The following CHRNB3 variants were observed in gnomAD, a reference collection of about 807,000 sequenced individuals.
CHRNB3 encodes neuronal acetylcholine receptor subunit beta-3.
Under a neutral mutation model 40.6 loss-of-function variants are expected in CHRNB3, and 37 were observed. The observed-to-expected ratio is 0.91, with a 90% CI of 0.70 to 1.20. The LOEUF (loss-of-function observed/expected upper bound fraction) is 1.20, where lower values mean the gene tolerates loss of function less well. Among genes scored for constraint, CHRNB3 ranks in the 50% most tolerant of loss-of-function variants. The pLI is 0.00. For synonymous variants in CHRNB3, 207 were observed against 207.1 expected (o/e 1.00, Z 0.00); for missense variants, 505 against 551.2 (o/e 0.92, Z 0.84).
rs569729757 is a variant in CHRNB3, at chr8:42,735,948, C to T, written c.1243-536C>T. On this transcript the variant is annotated intron_variant, in intron 5 of 5. Transcript: ENST00000289957. ...AGATATACTGGCTTCCTAAGATATG[C>T]TCTGTCTCCTGGGTTCAAGCAATTC... 3.9e-5 allele frequency among the ~76,000 whole-genome samples: 6 copies of T among 152,314 alleles called. No individual in the cohort carries two copies. The South Asian group carries it at 1.2e-3, about 32-fold the overall frequency.
chr8:42,701,378 T>C lies in CHRNB3; in HGVS notation c.52+3780T>C, dbSNP rs567606989. Among the ~76,000 whole-genome samples, 373 of 151,890 alleles carry C rather than the reference T, an allele frequency of 2.5e-3. 1 individual carries two copies. The highest frequency in any genetic ancestry group is 2.8e-3 in the Non-Finnish European group (190 of 67,966). ...CAACATAGTGAGAGACATACGTCTC[T>C]ACAAAAAATTTAAAAATTAGCCAGG... On this transcript the variant is annotated intron_variant, in intron 1 of 5. Coordinates refer to ENST00000289957, the MANE Select transcript of CHRNB3 (RefSeq NM_000749.5).
In CHRNB3 at chr8:42,736,607, A is replaced by G; in HGVS notation, c.1366A>G (p.Ser456Gly). The G allele has an allele frequency of 6.2e-7, 1 of 1,614,190 alleles. No homozygotes were observed. Among genetic ancestry groups the G allele is most frequent in the Non-Finnish European group, 8.5e-7 (1 of 1,180,024 alleles). ...FTPALKMWLHSYH is the reference protein window; with the variant it reads ...FTPALKMWLHGYH ...CCCTGCTTTGAAGATGTGGCTACAT[A>G]GTTACCATTAGGAATTTAAAAGACA... is the stretch of plus-strand genomic sequence containing the variant. The change falls in exon 6 of 6, where the codon AGT becomes GGT. Residue 456 changes from serine (S) to glycine (G), a missense_variant. Ser to Gly is a moderately conservative substitution (Grantham distance 56, BLOSUM62 0). Coordinates refer to ENST00000289957, the MANE Select transcript of CHRNB3 (RefSeq NM_000749.5).
intron 3 of CHRNB3, among the ~76,000 whole-genome samples, chr8:42,720,230 C>A (rs1050046996): frequency 6.7e-6 from 1 of 148,522 alleles, no homozygotes; most frequent in Non-Finnish European, 1.5e-5. Flanking sequence ...ATTCTCCTGC[C>A]TCAGCCTCCT....
At chr8:42,710,931 C>T (rs1816004914) in intron 3 of CHRNB3, among the ~76,000 whole-genome samples, 1 of 152,194 alleles carries the variant, frequency 6.6e-6, no homozygotes, top group Admixed American at 6.5e-5. Context: ...AATTTCAGAA[C>T]AGAGTGAAGC....
At chr8:42,735,261 G>A (rs963904560) in intron 5 of CHRNB3, among the ~76,000 whole-genome samples, 1 of 151,406 alleles carries the variant, frequency 6.6e-6, no homozygotes. Context: ...ATACAGGCCG[G>A]GTGTGGTGGC....
chr8:42,715,713 C>T (rs1032891757), intron 3 of CHRNB3, among the ~76,000 whole-genome samples: 6 of 152,094 alleles, frequency 3.9e-5, no homozygotes, highest in African/African-American at 1.5e-4. Flanking sequence ...TTATAAAGCA[C>T]AAATCTAGTG....
At position 42,736,754 on chromosome 8, in the gene CHRNB3, G is replaced by T; in HGVS notation, c.*136G>T. 9.4e-7 allele frequency: 1 copy of T among 1,060,626 alleles called. No homozygotes were observed. Among genetic ancestry groups the T allele is most frequent in the Non-Finnish European group, 1.4e-6 (1 of 718,836 alleles). The allele number at this position is 1,060,626 out of a possible 1,614,324, so 65.7% of individuals were successfully genotyped here. ...TGTGGAAATGGAACATCTCCTCATGGGAGAAACTCTGGTAAATGTGCTCAT... is the reference window on the plus strand; with the variant it reads ...TGTGGAAATGGAACATCTCCTCATGTGAGAAACTCTGGTAAATGTGCTCAT... On this transcript the variant is annotated 3_prime_UTR_variant, in exon 6 of 6. Transcript: ENST00000289957.
intron 2 of CHRNB3, 58 bp downstream of exon 2, chr8:42,708,926 G>A (rs1217672988): frequency 4.2e-6 from 6 of 1,435,822 alleles, no homozygotes; most frequent in Non-Finnish European, 5.6e-6. Context: ...CTGTTTATGA[G>A]TCTAAAATAT....
At chr8:42,733,681 C>T (rs1027620293) in intron 5 of CHRNB3, among the ~76,000 whole-genome samples, 6 of 150,578 alleles carry the variant, frequency 4.0e-5, no homozygotes, top group Non-Finnish European at 8.9e-5. Context: ...CAACCTCCGC[C>T]TGCTGGGTTC....
At chr8:42,697,764 G>GT (rs1263761615) in intron 1 of CHRNB3, among the ~76,000 whole-genome samples, 166 bp downstream of exon 1, 54 of 151,872 alleles carry the variant, frequency 3.6e-4, no homozygotes, top group Non-Finnish European at 6.3e-4. Flanking sequence ...TGAGATGTGG[G>GT]GTTTTTTTTG....
chr8:42,717,592 A>G (rs1013145851), intron 3 of CHRNB3, among the ~76,000 whole-genome samples: 2 of 151,334 alleles, frequency 1.3e-5, no homozygotes, highest in Admixed American at 1.3e-4. Flanking sequence ...CCAAGTTTGG[A>G]CTTCTTACTC....
intron 3 of CHRNB3, among the ~76,000 whole-genome samples, chr8:42,714,368 G>C (rs1181406184): frequency 6.6e-6 from 1 of 151,990 alleles, no homozygotes; most frequent in Non-Finnish European, 1.5e-5. Context: ...CAGGCGTGGT[G>C]GTGGGCACCT....
rs74640595 is a variant in CHRNB3, at chr8:42,710,066, G to A, written c.205-324G>A. 2.3e-3 allele frequency among the ~76,000 whole-genome samples: 348 copies of A among 152,268 alleles called. 1 individual carries two copies. Among genetic ancestry groups the A allele is most frequent in the African/African-American group, 7.7e-3 (320 of 41,556 alleles). Reference sequence around the variant, plus strand: ...CCATTTGACTATTTATATGCCATTTGACTGTTTACATGCCATTTGACTATT... The same window carrying A: ...CCATTTGACTATTTATATGCCATTTAACTGTTTACATGCCATTTGACTATT... On this transcript the variant is annotated intron_variant, in intron 2 of 5. Coordinates refer to ENST00000289957, the MANE Select transcript of CHRNB3 (RefSeq NM_000749.5).
At position 42,730,508 on chromosome 8, in the gene CHRNB3, T is replaced by C; in HGVS notation, c.250-86T>C. 3.7e-6 allele frequency: 3 copies of C among 804,716 alleles called. No individual in the cohort carries two copies. The South Asian group carries it at 6.4e-5, about 17-fold the overall frequency. The allele number at this position is 804,716 out of a possible 1,614,324, so 49.8% of individuals were successfully genotyped here. A position where few individuals can be genotyped will look rare whatever the true frequency, so the allele number is the denominator to read the frequency against. ...TCCTTTTCTTAATAAAACAGTGGCT[T>C]GGTAAAGCTAACAGAAACTTGAAGA... On this transcript the variant is annotated intron_variant, in intron 3 of 5. Coordinates refer to ENST00000289957, the MANE Select transcript of CHRNB3 (RefSeq NM_000749.5).
At chr8:42,725,952 G>C (rs777990594) in intron 3 of CHRNB3, 4 of 1,078,334 alleles carry the variant, frequency 3.7e-6, no homozygotes, top group African/African-American at 1.5e-5. Context: ...CAATCCTTTC[G>C]ATGCGTACAA....
intron 3 of CHRNB3, among the ~76,000 whole-genome samples, chr8:42,712,588 T>A (rs1286141338): frequency 1.3e-5 from 2 of 152,236 alleles, no homozygotes; most frequent in East Asian, 3.8e-4. Context: ...AAGCTTGGAA[T>A]GTATATATAA....
chr8:42,703,435 A>AAAATATAT, intron 1 of CHRNB3, among the ~76,000 whole-genome samples: 1 of 47,412 alleles, frequency 2.1e-5, no homozygotes, highest in Middle Eastern at 0.01. Flanking sequence ...AAAAAAAAAA[A>AAAATATAT]ATATTTATAT....
rs758846444 is a variant in CHRNB3 at position 42,732,265 on chromosome 8, G to A, written c.958G>A (p.Val320Ile). The change falls in exon 5 of 6, where the codon GTT becomes ATT. Residue 320 changes from valine to isoleucine, a missense_variant. By Grantham distance (29) the Val-to-Ile change is conservative. Coordinates refer to ENST00000289957, the MANE Select transcript of CHRNB3 (RefSeq NM_000749.5). ...SIIVTVFVIN[V>I]HHRSSSTYHP... is the part of the protein sequence containing the mutation. ...CATTGTTACCGTGTTTGTCATTAAC[G>A]TTCACCACAGATCTTCTTCCACGTA... 4 of 1,611,142 alleles carry A rather than the reference G, an allele frequency of 2.5e-6. No homozygotes were observed. The highest frequency in any genetic ancestry group is 1.7e-5 in the Admixed American group (1 of 59,296).
intron 1 of CHRNB3, among the ~76,000 whole-genome samples, chr8:42,707,888 G>GT (rs1453353851): frequency 2.6e-5 from 4 of 152,236 alleles, no homozygotes; most frequent in Admixed American, 2.0e-4. Flanking sequence ...GCCAGGCACT[G>GT]TTCTAGGTGC....
Sources: allele counts gnomAD v4.1 joint callset (sites outside exome capture counted in the v4.1 genomes callset), GRCh38; gene constraint gnomAD v4.1.1; transcripts MANE v1.5; gene names NCBI Gene and HGNC (gene_info 2026-07-23, HGNC 2026-07-21).